TTC39C: variants seen among roughly 807,000 people sequenced by gnomAD.
TTC39C encodes tetratricopeptide repeat protein 39C.
A neutral mutation model predicts 76.3 loss-of-function variants in TTC39C; 33 were observed. The ratio of observed to expected loss-of-function variants is 0.43; its 90% CI spans 0.33 to 0.58. TTC39C has a LOEUF of 0.58. Among genes scored for constraint, TTC39C ranks in the 20% least tolerant of loss-of-function variants. The pLI is 0.04. For synonymous variants in TTC39C, 254 were observed against 260.6 expected, an observed-to-expected ratio of 0.97 and a Z score of 0.24; for missense variants, 595 against 701.4, an observed-to-expected ratio of 0.85 and a Z score of 1.71.
At chr18:24,119,236 T>C (rs1048946579) in intron 8 of TTC39C, among the ~76,000 whole-genome samples, 3 of 152,224 alleles carry the variant, frequency 2.0e-5, no homozygotes, top group Non-Finnish European at 2.9e-5. Context: ...TTCAGAGTTG[T>C]AGAGGTGTGG....
At chr18:24,106,320 A>G (rs771873425) in intron 6 of TTC39C, among the ~76,000 whole-genome samples, 6 of 152,156 alleles carry the variant, frequency 3.9e-5, no homozygotes, top group Non-Finnish European at 5.9e-5. Flanking sequence ...GTTCTTCCAG[A>G]GGTCTCAGAA....
intron 6 of TTC39C, among the ~76,000 whole-genome samples, chr18:24,093,487 A>AAG (rs1452717264): frequency 6.6e-6 from 1 of 151,912 alleles, no homozygotes; most frequent in Admixed American, 6.6e-5. Context: ...TCAAAAAAAA[A>AAG]AAAAAAAGTA....
At chr18:24,019,329 G>A (rs1036665165) in intron 1 of TTC39C, among the ~76,000 whole-genome samples, 1 of 152,170 alleles carries the variant, frequency 6.6e-6, no homozygotes, top group African/African-American at 2.4e-5. Context: ...TCTGGCTGTA[G>A]ATATTTTAAA....
intron 1 of TTC39C, among the ~76,000 whole-genome samples, chr18:24,017,887 A>C (rs1335311333): frequency 6.6e-6 from 1 of 152,166 alleles, no homozygotes; most frequent in Non-Finnish European, 1.5e-5. Context: ...GTGTAACAAT[A>C]TTTTTTATTA....
chr18:24,035,123 C>A lies in TTC39C; in HGVS notation c.167+20085C>A, dbSNP rs148061943. On this transcript the variant is annotated intron_variant, in intron 1 of 13. Coordinates refer to ENST00000317571, the MANE Select transcript of TTC39C (RefSeq NM_001135993.2). The stretch of plus-strand genomic sequence containing the variant: ...TGGTGTGATCAGAGATCAGTGTAAC[C>A]TTAAACTTGTTGGCTCAAGTGATCC... Among the ~76,000 whole-genome samples, 12 of 152,122 alleles carry A rather than the reference C, an allele frequency of 7.9e-5. No homozygotes were observed. In the East Asian group the frequency reaches 2.3e-3, roughly 29 times the overall value.
chr18:24,031,785 A>G (rs1211220788), intron 1 of TTC39C, among the ~76,000 whole-genome samples: 1 of 152,168 alleles, frequency 6.6e-6, no homozygotes, highest in Non-Finnish European at 1.5e-5. Flanking sequence ...GGTGGGTTCA[A>G]AAATGGTCCT....
intron 9 of TTC39C, 74 bp from the exon 10 acceptor site, chr18:24,125,353 A>G: frequency 1.3e-6 from 2 of 1,574,080 alleles, no homozygotes; most frequent in Admixed American, 3.5e-5. Flanking sequence ...GTGTGCTTTT[A>G]AAGTGTCTGA....
At chr18:23,993,577 A>T (rs2083236603) in intron 1 of TTC39C, among the ~76,000 whole-genome samples, 1 of 152,240 alleles carries the variant, frequency 6.6e-6, no homozygotes. Context: ...GAATTTCATT[A>T]AATCTTGTAT....
intron 7 of TTC39C, among the ~76,000 whole-genome samples, chr18:24,115,405 A>C (rs140064078): frequency 5.8e-4 from 88 of 152,344 alleles, no homozygotes; most frequent in African/African-American, 2.1e-3. Flanking sequence ...TTGAACTTGA[A>C]ACAAAAAAAA....
chr18:24,131,466 A>G (rs1251158280), intron 12 of TTC39C, among the ~76,000 whole-genome samples: 2 of 152,112 alleles, frequency 1.3e-5, no homozygotes, highest in Non-Finnish European at 2.9e-5. Flanking sequence ...TAATCCCAGC[A>G]CTTTGGGAGG....
At chr18:24,038,438 A>G (rs1361612691) in intron 1 of TTC39C, among the ~76,000 whole-genome samples, 1 of 152,006 alleles carries the variant, frequency 6.6e-6, no homozygotes, top group Non-Finnish European at 1.5e-5. Context: ...ATGCACCACC[A>G]TGCCCGGCTA....
rs192436090 is a variant in TTC39C at position 24,084,590 on chromosome 18, A to G, written c.984+1509A>G. On this transcript the variant is annotated intron_variant, in intron 6 of 13. Transcript: ENST00000317571. ...TTGTTTTTGTTCTCATTATCTTGCA[A>G]TTGTTTTTCTTTGCATACAGGCTCG... Among the ~76,000 whole-genome samples the G allele has an allele frequency of 4.6e-5, 7 of 151,368 alleles. No homozygotes were observed. In the South Asian group the frequency reaches 8.4e-4, roughly 18 times the overall value.
At chr18:24,095,233 A>G (rs940229633) in intron 6 of TTC39C, among the ~76,000 whole-genome samples, 2 of 152,248 alleles carry the variant, frequency 1.3e-5, no homozygotes, top group African/African-American at 4.8e-5. Context: ...TCAGCCTTCA[A>G]AGAATTGAAG....
At chr18:24,051,602 G>T (rs1364267238) in intron 1 of TTC39C, among the ~76,000 whole-genome samples, 1 of 152,158 alleles carries the variant, frequency 6.6e-6, no homozygotes, top group Non-Finnish European at 1.5e-5. Flanking sequence ...AGGCTGGGGT[G>T]GTCAGTGGTT....
intron 6 of TTC39C, among the ~76,000 whole-genome samples, chr18:24,113,115 G>A (rs370866675): frequency 5.9e-4 from 90 of 152,326 alleles, no homozygotes; most frequent in African/African-American, 2.1e-3. Context: ...CGATTGGTGC[G>A]TGTCTTCTGT....
At chr18:24,082,831 A>G in intron 5 of TTC39C, 82 bp from the exon 6 acceptor site, 4 of 1,403,120 alleles carry the variant, frequency 2.9e-6, no homozygotes, top group Non-Finnish European at 3.8e-6. Context: ...TAGTATTGGA[A>G]GAACACATAC....
chr18:23,993,592 A>C (rs968750454), intron 1 of TTC39C, among the ~76,000 whole-genome samples: 33 of 152,200 alleles, frequency 2.2e-4, no homozygotes, highest in Non-Finnish European at 7.3e-5. Context: ...TTGTATAAAG[A>C]TCGAAATGTA....
intron 6 of TTC39C, chr18:24,114,347 C>A (rs1218576630): frequency 2.1e-6 from 1 of 468,572 alleles, no homozygotes; most frequent in Non-Finnish European, 3.9e-6. Context: ...ACCACCTGAG[C>A]AAGGAGAGGT....
upstream of TTC39C, among the ~76,000 whole-genome samples, chr18:24,010,699 A>G (rs1332626173): frequency 6.6e-6 from 1 of 152,230 alleles, no homozygotes; most frequent in Admixed American, 6.5e-5. Flanking sequence ...TAATACAACC[A>G]AAGTACACAC....
Sources: allele counts gnomAD v4.1 joint callset (sites outside exome capture counted in the v4.1 genomes callset), GRCh38; gene constraint gnomAD v4.1.1; transcripts MANE v1.5; gene names NCBI Gene and HGNC (gene_info 2026-07-23, HGNC 2026-07-21).